The following EPHA5 variants were observed in gnomAD, a reference collection of about 807,000 sequenced individuals.
EPHA5 encodes the protein EPH receptor A5.
In EPHA5, 60 loss-of-function variants were observed where a neutral mutation model predicts 105.0. The ratio of observed to expected loss-of-function variants is 0.57; its 90% CI spans 0.46 to 0.71. The LOEUF is 0.71. Ranked by LOEUF, EPHA5 falls within the 30% of genes least tolerant of loss-of-function variation. EPHA5 has a pLI of 0.00. For missense variants in EPHA5, 1,218 were observed against 1,274.7 expected, an observed-to-expected ratio of 0.96 and a Z score of 0.68; for synonymous variants, 513 against 449.1, an observed-to-expected ratio of 1.14 and a Z score of -1.80.
At chr4:65,637,279 GA>G (rs1338448575) in intron 2 of EPHA5, among the ~76,000 whole-genome samples, 1 of 148,758 alleles carries the variant, frequency 6.7e-6, no homozygotes, top group Non-Finnish European at 1.5e-5. Context: ...AAAAAATGTG[GA>G]TGCTTCTGCA....
rs200168680 is a variant in EPHA5, at chr4:65,471,531, T to C, written c.1402+18846A>G. ...TTTACACTTCTATAAAGATACTACCTGAGACTGGGTGATTCATAAACAAAA... is the reference window on the plus strand; with the variant it reads ...TTTACACTTCTATAAAGATACTACCCGAGACTGGGTGATTCATAAACAAAA... On this transcript the variant is annotated intron_variant, in intron 5 of 16. Transcript: ENST00000613740. Among the ~76,000 whole-genome samples, 5 of 152,290 alleles carry C rather than the reference T, an allele frequency of 3.3e-5. No individual in the cohort carries two copies. In the East Asian group the frequency reaches 7.7e-4, roughly 23 times the overall value.
At chr4:65,646,410 C>T (rs984208654) in intron 1 of EPHA5, among the ~76,000 whole-genome samples, 1 of 152,160 alleles carries the variant, frequency 6.6e-6, no homozygotes, top group East Asian at 1.9e-4. Flanking sequence ...CAGTGGTTCT[C>T]AACATGGAGA....
intron 5 of EPHA5, among the ~76,000 whole-genome samples, chr4:65,432,770 A>G (rs1208276287): frequency 1.3e-5 from 2 of 151,718 alleles, no homozygotes; most frequent in African/African-American, 4.8e-5. Context: ...ATCACTTTCT[A>G]CTACTGCTTT....
intron 1 of EPHA5, among the ~76,000 whole-genome samples, chr4:65,656,577 T>A (rs1014265903): frequency 2.0e-5 from 3 of 147,444 alleles, no homozygotes; most frequent in Non-Finnish European, 3.0e-5. Flanking sequence ...TGTAGCATTT[T>A]ATATATATAT....
chr4:65,600,905 T>C (rs1027563045), intron 3 of EPHA5, among the ~76,000 whole-genome samples: 3 of 151,958 alleles, frequency 2.0e-5, no homozygotes, highest in Non-Finnish European at 4.4e-5. Flanking sequence ...GAGGGCATTT[T>C]CAAAGGAAGA....
At chr4:65,503,987 T>C (rs1019774975) in intron 3 of EPHA5, among the ~76,000 whole-genome samples, 1 of 151,424 alleles carries the variant, frequency 6.6e-6, no homozygotes, top group Non-Finnish European at 1.5e-5. Flanking sequence ...CAGGTATATG[T>C]ATATGTTGTA....
intron 8 of EPHA5, among the ~76,000 whole-genome samples, chr4:65,388,823 A>G (rs1201025305): frequency 1.3e-5 from 2 of 151,174 alleles, no homozygotes; most frequent in African/African-American, 4.9e-5. Flanking sequence ...GTTTAATTAG[A>G]TCCCATTTGT....
intron 3 of EPHA5, among the ~76,000 whole-genome samples, chr4:65,509,718 A>C (rs1733412723): frequency 6.6e-6 from 1 of 152,210 alleles, no homozygotes; most frequent in Non-Finnish European, 1.5e-5. Context: ...CACATTAATA[A>C]AGCAAACTAA....
chr4:65,502,519 G>A (rs1732600471), intron 3 of EPHA5, among the ~76,000 whole-genome samples: 1 of 151,330 alleles, frequency 6.6e-6, no homozygotes, highest in Non-Finnish European at 1.5e-5. Context: ...ATCACCAATC[G>A]GAGAGATGCA....
In EPHA5 at chr4:65,420,552, G is replaced by T; in HGVS notation, c.1416C>A (p.Val472=). Residue 472 remains valine (V), a synonymous_variant, in exon 6 of 17, where the codon GTC becomes GTA. Transcript: ENST00000613740. ...VTTNQAAPSP[V]TNVKKGKIAK... ...CAATTTTCCCTTTTTTCACATTGGT[G>T]ACTGGAGATGGAGCTGCAAAATAGT... is the stretch of plus-strand genomic sequence containing the variant. The T allele has an allele frequency of 6.2e-7, 1 of 1,612,706 alleles. No homozygotes were observed. Among genetic ancestry groups the T allele is most frequent in the South Asian group, 1.1e-5 (1 of 90,910 alleles).
chr4:65,574,711 T>TATATATATAC (rs1560718038), intron 3 of EPHA5, among the ~76,000 whole-genome samples: 3,185 of 87,304 alleles, frequency 0.036, 199 homozygotes, highest in Non-Finnish European at 0.052. Flanking sequence ...TATATATACA[T>TATATATATAC]ATATATATAC....
chr4:65,398,031 C>T (rs1484498025), intron 8 of EPHA5, among the ~76,000 whole-genome samples: 1 of 152,116 alleles, frequency 6.6e-6, no homozygotes, highest in Non-Finnish European at 1.5e-5. Flanking sequence ...GCCTCACCAC[C>T]CCCCTTCCAA....
intron 8 of EPHA5, among the ~76,000 whole-genome samples, chr4:65,381,141 G>A (rs1719521551): frequency 6.6e-6 from 1 of 151,048 alleles, no homozygotes; most frequent in South Asian, 2.1e-4. Flanking sequence ...TTAGGGCAAA[G>A]AGTGAGCTAT....
At chr4:65,473,022 G>A (rs983617671) in intron 5 of EPHA5, among the ~76,000 whole-genome samples, 2 of 152,074 alleles carry the variant, frequency 1.3e-5, no homozygotes, top group African/African-American at 4.8e-5. Flanking sequence ...TCTCTCTCAA[G>A]TTCAAAGTTC....
At chr4:65,570,886 G>C (rs576430890) in intron 3 of EPHA5, among the ~76,000 whole-genome samples, 1 of 152,042 alleles carries the variant, frequency 6.6e-6, no homozygotes, top group Admixed American at 6.6e-5. Context: ...ATATTTGGAA[G>C]ATAGCAATGG....
At chr4:65,544,941 G>A (rs1737227695) in intron 3 of EPHA5, among the ~76,000 whole-genome samples, 2 of 145,264 alleles carry the variant, frequency 1.4e-5, no homozygotes, top group Non-Finnish European at 1.5e-5. Flanking sequence ...GATGAAGCTG[G>A]AAAAAAAAAA....
intron 1 of EPHA5, among the ~76,000 whole-genome samples, chr4:65,651,194 C>T (rs1057187121): frequency 6.6e-6 from 1 of 152,096 alleles, no homozygotes; most frequent in African/African-American, 2.4e-5. Context: ...AGCAGGGGAG[C>T]AAAGCTTTCA....
At chr4:65,382,210 A>G (rs964536209) in intron 8 of EPHA5, among the ~76,000 whole-genome samples, 1 of 151,866 alleles carries the variant, frequency 6.6e-6, no homozygotes, top group Non-Finnish European at 1.5e-5. Context: ...AAAAAAAACT[A>G]TTAGGACCTA....
At chr4:65,622,979 G>A (rs1190772824) in intron 2 of EPHA5, among the ~76,000 whole-genome samples, 1 of 152,064 alleles carries the variant, frequency 6.6e-6, no homozygotes, top group Non-Finnish European at 1.5e-5. Flanking sequence ...AAGTTTAAGA[G>A]CATATATTCA....
Sources: gnomAD v4.1 joint callset for allele counts (sites outside exome capture counted in the v4.1 genomes callset) on GRCh38, gnomAD v4.1.1 for gene constraint, MANE v1.5 for transcripts, NCBI Gene and HGNC (gene_info 2026-07-23, HGNC 2026-07-21) for gene names.